TBL1Y: variants seen among roughly 807,000 people sequenced by gnomAD.
TBL1Y encodes transducin beta like 1 Y-linked.
A neutral mutation model predicts 12.0 loss-of-function variants in TBL1Y; 15 were observed. The observed-to-expected ratio is 1.25, with a 90% CI of 0.83 to 1.92. TBL1Y has a LOEUF of 1.92. Among genes scored for constraint, TBL1Y ranks in the 40% most tolerant of loss-of-function variants. The probability of loss-of-function intolerance (pLI) is 0.00; values close to 1 mark genes in which losing one functional copy is unlikely to be tolerated. For missense variants in TBL1Y, 148 were observed against 116.7 expected, an observed-to-expected ratio of 1.27 and a Z score of -1.24; for synonymous variants, 53 against 42.6, an observed-to-expected ratio of 1.24 and a Z score of -0.95.
At chrY:6,972,878 G>T in intron 2 of TBL1Y, among the ~76,000 whole-genome samples, 2 of 33,674 alleles carry the variant, frequency 5.9e-5, no homozygotes, top group Non-Finnish European at 7.4e-5. Flanking sequence ...AACAAGGAGA[G>T]TGCAGCTTGC....
At chrY:7,030,576 G>A (rs2012648630) in intron 6 of TBL1Y, among the ~76,000 whole-genome samples, 2 of 33,553 alleles carry the variant, frequency 6.0e-5, no homozygotes, top group Non-Finnish European at 1.5e-4. Context: ...GGTTCCTACC[G>A]GCTGGACCAT....
intron 2 of TBL1Y, among the ~76,000 whole-genome samples, chrY:6,914,460 TG>T (rs2011720288): frequency 6.4e-5 from 2 of 31,319 alleles, no homozygotes; most frequent in African/African-American, 2.5e-4. Flanking sequence ...GAGGCTGAGG[TG>T]GGTGGATCAC....
intron 2 of TBL1Y, among the ~76,000 whole-genome samples, chrY:6,933,963 G>A: frequency 3.0e-5 from 1 of 33,130 alleles, no homozygotes; most frequent in African/African-American, 1.2e-4. Flanking sequence ...ATCCCATGGA[G>A]CTTATGAAAG....
chrY:7,054,173 T>C, intron 7 of TBL1Y, among the ~76,000 whole-genome samples: 1 of 33,683 alleles, frequency 3.0e-5, no homozygotes, highest in African/African-American at 1.2e-4. Context: ...AAGAAAAAAA[T>C]TGGACAAGAT....
intron 4 of TBL1Y, among the ~76,000 whole-genome samples, chrY:7,020,768 C>A: frequency 3.3e-4 from 11 of 33,534 alleles, no homozygotes; most frequent in Admixed American, 3.0e-3. Context: ...ACCTGGCTTA[C>A]TGAAAAATCA....
intron 3 of TBL1Y, among the ~76,000 whole-genome samples, chrY:6,984,123 G>C (rs886868224): frequency 3.0e-5 from 1 of 33,054 alleles, no homozygotes; most frequent in Non-Finnish European, 7.5e-5. Flanking sequence ...AGAACTGGGT[G>C]GGGGGTGTAG....
At chrY:7,081,164 C>T in intron 14 of TBL1Y, among the ~76,000 whole-genome samples, 1 of 33,460 alleles carries the variant, frequency 3.0e-5, no homozygotes, top group East Asian at 7.8e-4. Flanking sequence ...GGCACATCTG[C>T]AATGAATGGA....
intron 3 of TBL1Y, among the ~76,000 whole-genome samples, chrY:6,985,988 T>C: frequency 3.1e-5 from 1 of 32,553 alleles, no homozygotes; most frequent in South Asian, 7.0e-4. Flanking sequence ...TGATGATGGG[T>C]GAGGAAGAGG....
intron 3 of TBL1Y, among the ~76,000 whole-genome samples, chrY:6,979,760 G>A (rs1031272964): frequency 6.0e-5 from 2 of 33,211 alleles, no homozygotes; most frequent in Admixed American, 2.8e-4. Context: ...TCACTGAAAC[G>A]TCCACCTCCC....
At chrY:7,059,278 G>A (rs1014264698) in intron 7 of TBL1Y, among the ~76,000 whole-genome samples, 5 of 33,561 alleles carry the variant, frequency 1.5e-4, no homozygotes, top group African/African-American at 3.5e-4. Context: ...AGTTTGAGGC[G>A]AAATTGACTA....
intron 8 of TBL1Y, among the ~76,000 whole-genome samples, chrY:7,064,378 G>C (rs1031107307): frequency 9.1e-5 from 3 of 33,112 alleles, no homozygotes; most frequent in Non-Finnish European, 2.2e-4. Context: ...AGGAAATTGT[G>C]TGCACTGCCA....
intron 6 of TBL1Y, among the ~76,000 whole-genome samples, chrY:7,026,147 G>A: frequency 6.0e-5 from 2 of 33,513 alleles, no homozygotes; most frequent in African/African-American, 2.4e-4. Context: ...TGTGAGGCAC[G>A]TAACATGTTG....
chrY:6,929,712 C>T (rs2011851961), intron 2 of TBL1Y, among the ~76,000 whole-genome samples: 3 of 33,318 alleles, frequency 9.0e-5, no homozygotes, highest in East Asian at 8.0e-4. Flanking sequence ...CCAGATGGGC[C>T]GCCGCTACCA....
chrY:7,069,776 A>T (rs2013009816), intron 8 of TBL1Y, among the ~76,000 whole-genome samples: 1 of 32,850 alleles, frequency 3.0e-5, no homozygotes, highest in Non-Finnish European at 7.5e-5. Flanking sequence ...GGGCTCAATC[A>T]ATCCTCCCAT....
intron 7 of TBL1Y, among the ~76,000 whole-genome samples, chrY:7,063,300 G>T: frequency 1.5e-4 from 5 of 34,039 alleles, no homozygotes. Flanking sequence ...CTTACAGATG[G>T]AGCAATGGTG....
chrY:7,085,181 CACACACACACACACAG>C (rs2013120365), intron 14 of TBL1Y, among the ~76,000 whole-genome samples: 5 of 29,867 alleles, frequency 1.7e-4, no homozygotes, highest in Admixed American at 6.5e-4. Flanking sequence ...CACACACACA[CACACACACACACACAG>C]ACACACACAC....
At chrY:7,081,867 T>G (rs2013101404) in intron 14 of TBL1Y, among the ~76,000 whole-genome samples, 2 of 32,933 alleles carry the variant, frequency 6.1e-5, no homozygotes, top group African/African-American at 2.4e-4. Flanking sequence ...GGGATTACAA[T>G]TCAACCTGAG....
At chrY:7,039,765 C>G in intron 6 of TBL1Y, among the ~76,000 whole-genome samples, 1 of 33,177 alleles carries the variant, frequency 3.0e-5, no homozygotes, top group Admixed American at 2.8e-4. Flanking sequence ...GGGAATGGCT[C>G]CTGTCCCTTG....
chrY:6,965,052 C>A (rs373080734), intron 2 of TBL1Y, among the ~76,000 whole-genome samples: 1 of 32,107 alleles, frequency 3.1e-5, no homozygotes, highest in Non-Finnish European at 7.5e-5. Flanking sequence ...TACTGAAATT[C>A]GGCTGGCGGC....
Sources: allele counts gnomAD v4.1 joint callset (sites outside exome capture counted in the v4.1 genomes callset), GRCh38; gene constraint gnomAD v4.1.1; transcripts MANE v1.5; gene names NCBI Gene and HGNC (gene_info 2026-07-23, HGNC 2026-07-21).